Variants in PTPRD observed in about 807,000 individuals in gnomAD.
The protein encoded by PTPRD is protein tyrosine phosphatase receptor type D, also known as receptor-type tyrosine-protein phosphatase delta.
PTPRD carries 34 observed loss-of-function variants against 214.5 expected under a neutral mutation model. The ratio of observed to expected loss-of-function variants is 0.16; its 90% CI spans 0.12 to 0.21. The LOEUF is 0.21. PTPRD is among the 10% of genes least tolerant of loss of function. The pLI is 1.00. For missense variants in PTPRD, 2,545 were observed against 2,398.7 expected (o/e 1.06, Z -1.27); for synonymous variants, 1,128 against 845.7 (o/e 1.33, Z -5.79).
intron 14 of PTPRD, among the ~76,000 whole-genome samples, chr9:8,574,475 G>A (rs925762325): frequency 6.6e-6 from 1 of 151,816 alleles, no homozygotes; most frequent in African/African-American, 2.4e-5. Flanking sequence ...ACACCAAAAG[G>A]CATTAAGCAA....
intron 9 of PTPRD, among the ~76,000 whole-genome samples, chr9:9,349,604 G>A (rs975697171): frequency 5.5e-4 from 63 of 114,626 alleles, no homozygotes; most frequent in African/African-American, 2.4e-3. Flanking sequence ...TTTTTTTTTT[G>A]TATACTAAAG....
chr9:8,925,761 T>C (rs1443301717), intron 11 of PTPRD, among the ~76,000 whole-genome samples: 1 of 151,612 alleles, frequency 6.6e-6, no homozygotes, highest in Non-Finnish European at 1.5e-5. Flanking sequence ...CTTGTCTCCT[T>C]TCTCCCCCTG....
intron 9 of PTPRD, among the ~76,000 whole-genome samples, chr9:9,385,574 A>C (rs1451730631): frequency 6.6e-6 from 1 of 152,094 alleles, no homozygotes; most frequent in Non-Finnish European, 1.5e-5. Context: ...TTCATCCATA[A>C]ACCTTCTAGC....
chr9:9,349,411 C>T (rs926190168), intron 9 of PTPRD, among the ~76,000 whole-genome samples: 1 of 152,036 alleles, frequency 6.6e-6, no homozygotes, highest in Non-Finnish European at 1.5e-5. Context: ...TACAGAAACA[C>T]TGCAAGCAAG....
At chr9:8,864,091 A>G (rs1480867034) in intron 11 of PTPRD, among the ~76,000 whole-genome samples, 1 of 152,230 alleles carries the variant, frequency 6.6e-6, no homozygotes, top group Non-Finnish European at 1.5e-5. Context: ...GGGAAACACA[A>G]TGGAAATGAA....
intron 11 of PTPRD, among the ~76,000 whole-genome samples, chr9:8,806,933 G>A (rs2096696133): frequency 6.6e-6 from 1 of 152,258 alleles, no homozygotes; most frequent in Non-Finnish European, 1.5e-5. Flanking sequence ...TCTGTCATAG[G>A]AGTAAGTAGG....
intron 11 of PTPRD, chr9:8,860,786 A>T (rs959823320): frequency 3.3e-5 from 5 of 152,176 alleles, no homozygotes; most frequent in Non-Finnish European, 5.9e-5. Flanking sequence ...TTACAGGTAA[A>T]GAAACGAAGA....
chr9:8,488,871 G>A (rs1344268676), intron 27 of PTPRD, among the ~76,000 whole-genome samples: 3 of 152,084 alleles, frequency 2.0e-5, no homozygotes, highest in Admixed American at 6.5e-5. Context: ...CCGTTGAAAC[G>A]AGTGGGTGGA....
At chr9:8,910,070 G>A (rs7027396) in intron 11 of PTPRD, among the ~76,000 whole-genome samples, 10,321 of 151,514 alleles carry the variant, frequency 0.068, 730 homozygotes, top group East Asian at 0.18. Context: ...ATGGAGTCTC[G>A]CTCTGTTGTC....
chr9:9,544,439 C>G (rs897338596), intron 8 of PTPRD, among the ~76,000 whole-genome samples: 3 of 151,494 alleles, frequency 2.0e-5, no homozygotes, highest in Middle Eastern at 3.4e-3. Context: ...ATTTCTTAAC[C>G]TTTTTAAGGT....
chr9:10,440,005 A>C (rs573560306), intron 2 of PTPRD, among the ~76,000 whole-genome samples: 1 of 151,288 alleles, frequency 6.6e-6, no homozygotes, highest in African/African-American at 2.4e-5. Flanking sequence ...CTGGAACTTA[A>C]AGTATAACAA....
At chr9:8,848,475 A>G (rs2097750850) in intron 11 of PTPRD, among the ~76,000 whole-genome samples, 1 of 148,906 alleles carries the variant, frequency 6.7e-6, no homozygotes, top group South Asian at 2.2e-4. Flanking sequence ...AGCTGAGACC[A>G]CAAGTGCACA....
At chr9:9,855,297 A>G (rs2061338069) in intron 5 of PTPRD, among the ~76,000 whole-genome samples, 1 of 152,212 alleles carries the variant, frequency 6.6e-6, no homozygotes, top group South Asian at 2.1e-4. Flanking sequence ...CAAAGCTTTG[A>G]AGTATTCAAT....
intron 2 of PTPRD, among the ~76,000 whole-genome samples, chr9:10,518,745 G>T (rs1237711548): frequency 6.6e-6 from 1 of 151,928 alleles, no homozygotes; most frequent in Non-Finnish European, 1.5e-5. Context: ...TGTTAGCCAA[G>T]ATGGTCTTGA....
chr9:9,367,602 G>A (rs1036584425), intron 9 of PTPRD, among the ~76,000 whole-genome samples: 1 of 151,554 alleles, frequency 6.6e-6, no homozygotes, highest in African/African-American at 2.4e-5. Context: ...ATCATTGGAA[G>A]TTTGGCATTA....
chr9:9,249,424 T>C (rs2099974505), intron 9 of PTPRD, among the ~76,000 whole-genome samples: 1 of 152,066 alleles, frequency 6.6e-6, no homozygotes, highest in South Asian at 2.1e-4. Context: ...CACAGCAAGA[T>C]TGTTCTTCGT....
At chr9:9,026,332 T>A (rs1309988806) in intron 10 of PTPRD, among the ~76,000 whole-genome samples, 1 of 151,830 alleles carries the variant, frequency 6.6e-6, no homozygotes, top group African/African-American at 2.4e-5. Flanking sequence ...TTAAGACAGG[T>A]AAGAGAGGAG....
At chr9:8,815,248 G>A (rs2096897471) in intron 11 of PTPRD, among the ~76,000 whole-genome samples, 2 of 151,952 alleles carry the variant, frequency 1.3e-5, no homozygotes, top group African/African-American at 4.8e-5. Context: ...TTCAAATCAT[G>A]CCTCTGCTGC....
At chr9:9,553,889 G>T (rs74698744) in intron 8 of PTPRD, among the ~76,000 whole-genome samples, 2,506 of 152,060 alleles carry the variant, frequency 0.016, 40 homozygotes, top group Admixed American at 0.026. Context: ...CTACTGGAGT[G>T]AAGGAGGAAA....
Sources: gnomAD v4.1 joint callset for allele counts (sites outside exome capture counted in the v4.1 genomes callset) on GRCh38, gnomAD v4.1.1 for gene constraint, MANE v1.5 for transcripts, NCBI Gene and HGNC (gene_info 2026-07-23, HGNC 2026-07-21) for gene names.